The following SMG1 variants were observed in gnomAD, a reference collection of about 807,000 sequenced individuals.
SMG1 encodes the protein serine/threonine-protein kinase SMG1.
Under a neutral mutation model 419.9 loss-of-function variants are expected in SMG1, and 22 were observed. The ratio of observed to expected loss-of-function variants is 0.05; its 90% CI spans 0.04 to 0.07. The LOEUF (loss-of-function observed/expected upper bound fraction) is 0.07, where lower values mean the gene tolerates loss of function less well. Ranked by LOEUF, SMG1 falls within the 10% of genes least tolerant of loss-of-function variation. SMG1 has a pLI of 1.00. For missense variants in SMG1, 3,185 were observed against 4,342.0 expected (o/e 0.73, Z 7.49); for synonymous variants, 1,538 against 1,553.5 (o/e 0.99, Z 0.23).
At chr16:18,914,163 T>A (rs1359853710) in intron 1 of SMG1, among the ~76,000 whole-genome samples, 2 of 141,494 alleles carry the variant, frequency 1.4e-5, no homozygotes, top group African/African-American at 2.6e-5. Flanking sequence ...CAAAACTCCA[T>A]CTCAAAAAAA....
chr16:18,861,859 A>G (rs867370297), intron 25 of SMG1, among the ~76,000 whole-genome samples: 90 of 152,300 alleles, frequency 5.9e-4, no homozygotes, highest in Admixed American at 9.8e-4. Context: ...ATACACTGCC[A>G]AAATTCTGTC....
Position 18,833,002 on chromosome 16 carries a change from G to A in SMG1, c.8730C>T (p.Tyr2910=). The A allele has an allele frequency of 6.2e-7, 1 of 1,613,950 alleles. No individual in the cohort carries two copies. The highest frequency in any genetic ancestry group is 8.5e-7 in the Non-Finnish European group (1 of 1,179,888). The stretch of plus-strand genomic sequence containing the variant: ...CCAGTCCCATAGCTGCGTTTCTTAA[G>A]TAGGCCTGAAGAGATTCCACTAGAG... The part of the protein sequence containing the change: ...LQTLVESLQA[Y]LRNAAMGLEE... The change falls in exon 51 of 63, where the codon TAC becomes TAT. Residue 2910 remains tyrosine, a synonymous_variant. Transcript: ENST00000446231.
In SMG1 at chr16:18,869,159, A is replaced by G. The variant is rs574241913; in HGVS notation, c.2778T>C (p.Leu926=). 5.9e-4 allele frequency: 951 copies of G among 1,611,758 alleles called. 22 individuals are homozygous for G. In the South Asian group the frequency reaches 1.0e-2, roughly 17 times the overall value. ...TGCCCAGTGGGGTTCTCAGCTTAGA[A>G]AGAACAGTGAATTGTGCAGCTTCCC... ...AIWEAAQFTV[L]SKLRTPLGRA... Residue 926 remains leucine, a synonymous_variant, in exon 20 of 63, where the codon CTT becomes CTC. Coordinates refer to ENST00000446231, the MANE Select transcript of SMG1 (RefSeq NM_015092.5).
At chr16:18,871,767 C>T (rs1444573860) in intron 15 of SMG1, among the ~76,000 whole-genome samples, 1 of 151,834 alleles carries the variant, frequency 6.6e-6, no homozygotes, top group Non-Finnish European at 1.5e-5. Flanking sequence ...GGTGAAACAC[C>T]ATCTCTACTA....
At chr16:18,899,702 T>G (rs371241028) in intron 1 of SMG1, among the ~76,000 whole-genome samples, 2 of 152,006 alleles carry the variant, frequency 1.3e-5, no homozygotes, top group Non-Finnish European at 2.9e-5. Flanking sequence ...AACTGCAGAT[T>G]TGAACTCCAA....
At chr16:18,841,258 G>C (rs771780056) in intron 41 of SMG1, among the ~76,000 whole-genome samples, 2 of 151,752 alleles carry the variant, frequency 1.3e-5, no homozygotes, top group Non-Finnish European at 2.9e-5. Context: ...AAATTACCCA[G>C]GTGTGGTTGT....
intron 21 of SMG1, 50 bp from the exon 22 acceptor site, chr16:18,868,404 A>G: frequency 8.2e-7 from 1 of 1,220,738 alleles, no homozygotes; most frequent in South Asian, 1.3e-5. Context: ...TTTGTAGGTA[A>G]GGATGTCTCA....
At chr16:18,869,332 A>C (rs1247820590) in intron 19 of SMG1, 29 bp from the exon 20 acceptor site, 1 of 1,544,464 alleles carries the variant, frequency 6.5e-7, no homozygotes, top group Admixed American at 1.8e-5. Context: ...TATTTAAAAG[A>C]CAATGACAAC....
chr16:18,871,553 C>A (rs536721249), intron 15 of SMG1, 71 bp from the exon 16 acceptor site: 71 of 626,762 alleles, frequency 1.1e-4, no homozygotes, highest in Admixed American at 2.1e-4. Flanking sequence ...AAAGCCTAGT[C>A]TTCTTACATT....
chr16:18,859,725 T>A, intron 26 of SMG1, 22 bp from the exon 27 acceptor site: 1 of 1,571,248 alleles, frequency 6.4e-7, no homozygotes, highest in Non-Finnish European at 8.6e-7. Context: ...AAATAAAACG[T>A]CATTAAGTTC....
At chr16:18,860,465 T>A (rs868783376) in intron 26 of SMG1, among the ~76,000 whole-genome samples, 19 of 152,122 alleles carry the variant, frequency 1.2e-4, no homozygotes, top group African/African-American at 4.6e-4. Flanking sequence ...GGTGGTCATT[T>A]TTTTTATTTG....
chr16:18,879,193 T>G, intron 11 of SMG1: 1 of 403,360 alleles, frequency 2.5e-6, no homozygotes, highest in Non-Finnish European at 4.7e-6. Flanking sequence ...AGAGCTCTCT[T>G]CAACCTCAAG....
chr16:18,888,350 C>T (rs2036728760), intron 6 of SMG1, among the ~76,000 whole-genome samples: 1 of 150,730 alleles, frequency 6.6e-6, no homozygotes, highest in African/African-American at 2.4e-5. Flanking sequence ...TTCTTGTCTC[C>T]CTCTACAAAT....
Position 18,834,438 on chromosome 16 carries a change from C to G in SMG1, c.8331G>C (p.Arg2777Ser). ...CTGCACCTTCCATCATCAGGTTACG[C>G]CTACAAGAGATAAATATCTGTACAG... ...VIISALCTLT[R>S]RNLMMEGAAS... Residue 2777 changes from arginine (R) to serine (S), a missense_variant and splice_region_variant, in exon 50 of 63, where the codon AGG (arginine) becomes AGC (serine). Physicochemically the swap from Arg to Ser is moderately radical, Grantham distance 110 (BLOSUM62 -1). Around this residue, in one of 27 missense-constraint regions of SMG1, gnomAD observed 412 missense variants for 546.6 expected, o/e 0.75. Transcript: ENST00000446231. The G allele has an allele frequency of 6.2e-7, 1 of 1,612,284 alleles. No individual in the cohort carries two copies. Among genetic ancestry groups the G allele is most frequent in the Non-Finnish European group, 8.5e-7 (1 of 1,179,120 alleles).
chr16:18,837,389 C>G lies in SMG1; in HGVS notation c.7468G>C (p.Gly2490Arg), dbSNP rs780619657. The stretch of plus-strand genomic sequence containing the variant: ...AAGCTTAGGTATTCATCTAAGCTAC[C>G]GTCCAACTTGGGAAGCACAACCAGC... Reference protein sequence around the residue: ...EMLVVLPKLDGSLDEYLSLQE... With the variant: ...EMLVVLPKLDRSLDEYLSLQE... Residue 2490 changes from glycine (G) to arginine (R), a missense_variant, in exon 46 of 63, where the codon GGT becomes CGT. By Grantham distance (125) the Gly-to-Arg change is moderately radical. Coordinates refer to ENST00000446231, the MANE Select transcript of SMG1 (RefSeq NM_015092.5). 6.2e-7 allele frequency: 1 copy of G among 1,613,786 alleles called. No individual in the cohort carries two copies. The highest frequency in any genetic ancestry group is 8.5e-7 in the Non-Finnish European group (1 of 1,179,864).
intron 38 of SMG1, among the ~76,000 whole-genome samples, chr16:18,846,263 T>C (rs2034262163): frequency 6.6e-6 from 1 of 152,104 alleles, no homozygotes; most frequent in East Asian, 1.9e-4. Context: ...ACTTAAAAGC[T>C]AGAACTACAA....
At chr16:18,841,507 A>G in intron 41 of SMG1, 58 bp downstream of exon 41, 2 of 1,519,864 alleles carry the variant, frequency 1.3e-6, no homozygotes, top group Non-Finnish European at 1.8e-6. Context: ...TAAGTCTACA[A>G]GTATTTCACA....
chr16:18,858,684 T>C (rs1404256823), intron 28 of SMG1: 1 of 223,944 alleles, frequency 4.5e-6, no homozygotes, highest in Non-Finnish European at 8.7e-6. Context: ...GGTTGAACTT[T>C]ACCCCATTTA....
At chr16:18,871,756 T>C (rs1305921038) in intron 15 of SMG1, among the ~76,000 whole-genome samples, 2 of 152,016 alleles carry the variant, frequency 1.3e-5, no homozygotes, top group African/African-American at 4.8e-5. Flanking sequence ...GCCAACAACA[T>C]GGTGAAACAC....
Sources: gnomAD v4.1 joint callset for allele counts (sites outside exome capture counted in the v4.1 genomes callset) on GRCh38, gnomAD v4.1.1 for gene constraint, gnomAD v4.1.1 regional missense constraint, MANE v1.5 for transcripts, NCBI Gene and HGNC (gene_info 2026-07-23, HGNC 2026-07-21) for gene names.